The following PEX1 variants were observed in gnomAD, a reference collection of about 807,000 sequenced individuals.
The protein encoded by PEX1 is peroxisomal ATPase PEX1.
Under a neutral mutation model 152.5 loss-of-function variants are expected in PEX1, and 97 were observed. That is an observed-to-expected ratio of 0.64 (90% CI 0.54 to 0.75). PEX1 has a LOEUF of 0.75. Ranked by LOEUF, PEX1 falls within the 30% of genes least tolerant of loss-of-function variation. PEX1 has a pLI of 0.00. For synonymous variants in PEX1, 485 were observed against 531.6 expected, an observed-to-expected ratio of 0.91 and a Z score of 1.21; for missense variants, 1,357 against 1,516.3, an observed-to-expected ratio of 0.89 and a Z score of 1.74.
chr7:92,512,120 C>G (rs113516104), intron 6 of PEX1, among the ~76,000 whole-genome samples: 3 of 151,508 alleles, frequency 2.0e-5, no homozygotes. Context: ...GCAACCTCTG[C>G]CTCCCGGGTT....
intron 5 of PEX1, among the ~76,000 whole-genome samples, chr7:92,514,642 C>G (rs1792637044): frequency 6.6e-6 from 1 of 152,156 alleles, no homozygotes; most frequent in South Asian, 2.1e-4. Flanking sequence ...GAAACTTAAT[C>G]TAAAAAGCAG....
At chr7:92,507,181 G>A in intron 9 of PEX1, 55 bp from the exon 10 acceptor site, 1 of 1,534,908 alleles carries the variant, frequency 6.5e-7, no homozygotes, top group South Asian at 1.1e-5. Context: ...ATAAAATTTA[G>A]CTATAAAAAA....
At position 92,504,755 on chromosome 7, in the gene PEX1, A is replaced by G. The variant is rs149541790; in HGVS notation, c.2048T>C (p.Val683Ala). 1 of 1,614,158 alleles carries G rather than the reference A, an allele frequency of 6.2e-7. No homozygotes were observed. The highest frequency in any genetic ancestry group is 8.5e-7 in the Non-Finnish European group (1 of 1,180,030). The change falls in exon 12 of 24, where the codon GTG becomes GCG. Residue 683 changes from valine to alanine, a missense_variant. Val to Ala is a moderately conservative substitution (Grantham distance 64). Transcript: ENST00000248633. ...VPEHEHSPDA[V>A]QSQRLAHALN... ...ACCATGAGCAAGCCGCTGGCTCTGC[A>G]CCGCATCAGGACTGTGCTCATGTTC...
intron 3 of PEX1, 133 bp downstream of exon 3, chr7:92,518,862 G>A (rs1792925718): frequency 1.4e-6 from 1 of 732,036 alleles, no homozygotes; most frequent in Non-Finnish European, 2.4e-6. Flanking sequence ...GAGCTACTGT[G>A]CCTGGCCCCA....
At chr7:92,525,024 G>A (rs879888134) in intron 1 of PEX1, among the ~76,000 whole-genome samples, 3 of 152,134 alleles carry the variant, frequency 2.0e-5, no homozygotes, top group Admixed American at 2.0e-4. Context: ...TTATTGAGGA[G>A]GAAAAATACT....
At chr7:92,494,063 C>T in intron 19 of PEX1, 4 of 479,238 alleles carry the variant, frequency 8.3e-6, no homozygotes, top group African/African-American at 2.0e-5. Context: ...TTTTTTTTCC[C>T]CAATCAGCCA....
intron 17 of PEX1, among the ~76,000 whole-genome samples, chr7:92,496,094 T>TG (rs1791640628): frequency 6.6e-6 from 1 of 152,120 alleles, no homozygotes; most frequent in Admixed American, 6.5e-5. Flanking sequence ...GGTGAATACA[T>TG]GAAGTATTCA....
chr7:92,528,446 C>T lies in PEX1; in HGVS notation c.-11G>A. ...ATCGCTGCCCCACATCGTCCCGGAG[C>T]GTCGCTCTGGGTTCGCCCACCCTAG... On this transcript the variant is annotated 5_prime_UTR_variant, in exon 1 of 24. Transcript: ENST00000248633. The T allele has an allele frequency of 6.3e-7, 1 of 1,577,270 alleles. No individual in the cohort carries two copies. The highest frequency in any genetic ancestry group is 8.6e-7 in the Non-Finnish European group (1 of 1,163,612).
At chr7:92,496,981 G>A (rs764372526) in intron 16 of PEX1, among the ~76,000 whole-genome samples, 2 of 151,970 alleles carry the variant, frequency 1.3e-5, no homozygotes, top group African/African-American at 4.8e-5. Context: ...ATTTTCCCCC[G>A]GATATTCTCA....
rs139629612 is a variant in PEX1 at position 92,525,405 on chromosome 7, G to A, written c.129+2902C>T. Among the ~76,000 whole-genome samples the A allele has an allele frequency of 2.6e-5, 4 of 152,288 alleles. No individual in the cohort carries two copies. In the East Asian group the frequency reaches 5.8e-4, roughly 22 times the overall value. On this transcript the variant is annotated intron_variant, in intron 1 of 23. Coordinates refer to ENST00000248633, the MANE Select transcript of PEX1 (RefSeq NM_000466.3). ...AAATGAAAATTGTGTGGCCATATCC[G>A]AATGGTGATTTAGGTTCGTTTGCAT...
intron 15 of PEX1, among the ~76,000 whole-genome samples, chr7:92,500,528 C>T (rs1387861742): frequency 6.6e-6 from 1 of 152,220 alleles, no homozygotes; most frequent in Admixed American, 6.5e-5. Flanking sequence ...TGTACTAATG[C>T]TTGATGCCCC....
At chr7:92,487,943 A>G (rs1255467410) in intron 23 of PEX1, among the ~76,000 whole-genome samples, 1 of 152,222 alleles carries the variant, frequency 6.6e-6, no homozygotes, top group Non-Finnish European at 1.5e-5. Flanking sequence ...ATACATTTCA[A>G]AAGCCTTAAA....
At chr7:92,515,453 G>A (rs942256587) in intron 5 of PEX1, among the ~76,000 whole-genome samples, 2 of 152,116 alleles carry the variant, frequency 1.3e-5, no homozygotes, top group South Asian at 2.1e-4. Flanking sequence ...TTCACCTACT[G>A]TGACTTCTCA....
rs116065693 is a variant in PEX1 at position 92,497,798 on chromosome 7, G to A, written c.2719-1021C>T. Among the ~76,000 whole-genome samples the A allele has an allele frequency of 5.3e-3, 808 of 152,224 alleles. 5 individuals are homozygous for A. Among genetic ancestry groups the A allele is most frequent in the African/African-American group, 0.018 (742 of 41,544 alleles). ...AAATAACTAAGGCAAGACCGGGCAC[G>A]GTGGTTCTCGCCTGTAATCCCAGCA... On this transcript the variant is annotated intron_variant, in intron 16 of 23. Coordinates refer to ENST00000248633, the MANE Select transcript of PEX1 (RefSeq NM_000466.3).
In PEX1 at chr7:92,528,452, T is replaced by C. The variant is rs1283255408; in HGVS notation, c.-17A>G. 5 of 1,571,692 alleles carry C rather than the reference T, an allele frequency of 3.2e-6. No individual in the cohort carries two copies. Among genetic ancestry groups the C allele is most frequent in the Non-Finnish European group, 3.4e-6 (4 of 1,161,150 alleles). On this transcript the variant is annotated 5_prime_UTR_variant, in exon 1 of 24. Coordinates refer to ENST00000248633, the MANE Select transcript of PEX1 (RefSeq NM_000466.3). ...GCCCCACATCGTCCCGGAGCGTCGC[T>C]CTGGGTTCGCCCACCCTAGCGCCGC...
chr7:92,511,555 A>C, intron 7 of PEX1, 25 bp downstream of exon 7: 1 of 1,587,110 alleles, frequency 6.3e-7, no homozygotes, highest in Non-Finnish European at 8.6e-7. Context: ...ATAGAAAAAA[A>C]AGTCAAAATA....
chr7:92,501,569 T>C lies in PEX1; in HGVS notation c.2521A>G (p.Lys841Glu), dbSNP rs1302716956. 2 of 1,613,986 alleles carry C rather than the reference T, an allele frequency of 1.2e-6. No individual in the cohort carries two copies. The highest frequency in any genetic ancestry group is 2.2e-5 in the South Asian group (2 of 91,086). ...CTAACTTCATGTAACCCACCAATCT[T>C]GTCCCAACCCAGGTCTCTAGGTTTA... Reference protein sequence around the residue: ...LHKPRDLGWDKIGGLHEVRQI... With the variant: ...LHKPRDLGWDEIGGLHEVRQI... The change falls in exon 15 of 24, where the codon AAG becomes GAG. Residue 841 changes from lysine to glutamate, a missense_variant. Coordinates refer to ENST00000248633, the MANE Select transcript of PEX1 (RefSeq NM_000466.3).
At chr7:92,513,727 C>A (rs1792589279) in intron 6 of PEX1, 121 bp downstream of exon 6, 1 of 737,758 alleles carries the variant, frequency 1.4e-6, no homozygotes. Context: ...TATAGTTTAA[C>A]ACAATAAAAA....
At chr7:92,508,571 TA>T (rs1017854495) in intron 9 of PEX1, among the ~76,000 whole-genome samples, 1 of 151,990 alleles carries the variant, frequency 6.6e-6, no homozygotes, top group African/African-American at 2.4e-5. Context: ...TTTATATTAA[TA>T]AACACTGTGC....
Sources: allele counts gnomAD v4.1 joint callset (sites outside exome capture counted in the v4.1 genomes callset), GRCh38; gene constraint gnomAD v4.1.1; transcripts MANE v1.5; gene names NCBI Gene and HGNC (gene_info 2026-07-23, HGNC 2026-07-21).